Variants in DYRK4 observed in about 807,000 individuals in gnomAD.
DYRK4 encodes the protein dual specificity tyrosine-phosphorylation-regulated kinase 4.
A neutral mutation model predicts 68.3 loss-of-function variants in DYRK4; 64 were observed. The ratio of observed to expected loss-of-function variants is 0.94; its 90% CI spans 0.77 to 1.15. The LOEUF (loss-of-function observed/expected upper bound fraction) is 1.15, where lower values mean the gene tolerates loss of function less well. Ranked by LOEUF, DYRK4 falls within the 50% of genes most tolerant of loss-of-function variation. DYRK4 has a pLI of 0.00. For missense variants in DYRK4, 740 were observed against 764.7 expected, an observed-to-expected ratio of 0.97 and a Z score of 0.38; for synonymous variants, 274 against 289.9, an observed-to-expected ratio of 0.95 and a Z score of 0.56.
intron 2 of DYRK4, among the ~76,000 whole-genome samples, chr12:4,579,826 C>T (rs1167991371): frequency 3.3e-5 from 5 of 152,174 alleles, no homozygotes; most frequent in East Asian, 1.9e-4. Context: ...TTTTAATTAG[C>T]GACCTTTGGA....
At chr12:4,576,036 T>C (rs61326176) in intron 2 of DYRK4, among the ~76,000 whole-genome samples, 12,706 of 152,238 alleles carry the variant, frequency 0.083, 972 homozygotes, top group African/African-American at 0.2. Flanking sequence ...TATTAGCTGA[T>C]GTTCATAGTT....
rs1555122024 is a variant in DYRK4, at chr12:4,586,729, C to CAG, written c.133-2207_133-2206insGA. The stretch of plus-strand genomic sequence containing the variant: ...GTACACACACACACACACACACACA[C>CAG]ACAGACACACACACACACCCCTTTG... On this transcript the variant is annotated intron_variant, in intron 2 of 14. Coordinates refer to ENST00000543431, the MANE Select transcript of DYRK4 (RefSeq NM_001394779.1). Among the ~76,000 whole-genome samples the CAG allele has an allele frequency of 1.2e-3, 129 of 112,072 alleles. 3 individuals carry two copies. Among genetic ancestry groups the CAG allele is most frequent in the Admixed American group, 1.4e-3 (15 of 10,518 alleles). 73.5% of individuals were successfully genotyped at this position (112,072 alleles called of 152,430 possible).
At chr12:4,605,537 G>A (rs1409074544) in intron 11 of DYRK4, among the ~76,000 whole-genome samples, 1 of 151,442 alleles carries the variant, frequency 6.6e-6, no homozygotes, top group Non-Finnish European at 1.5e-5. Context: ...TTTAATATAC[G>A]TTTATGTTTA....
At chr12:4,586,462 G>T (rs1944897474) in intron 2 of DYRK4, among the ~76,000 whole-genome samples, 1 of 152,178 alleles carries the variant, frequency 6.6e-6, no homozygotes, top group South Asian at 2.1e-4. Flanking sequence ...TTGCAGCTGT[G>T]AATACGGGAG....
intron 3 of DYRK4, among the ~76,000 whole-genome samples, chr12:4,589,493 C>T (rs1308801451): frequency 6.6e-6 from 1 of 152,184 alleles, no homozygotes; most frequent in African/African-American, 2.4e-5. Context: ...CCTTCCCAGC[C>T]TCTGATAACC....
chr12:4,599,777 A>G lies in DYRK4; in HGVS notation c.1115A>G (p.Glu372Gly). 1 of 1,613,994 alleles carries G rather than the reference A, an allele frequency of 6.2e-7. No homozygotes were observed. The highest frequency in any genetic ancestry group is 8.5e-7 in the Non-Finnish European group (1 of 1,179,914). ...KVIDFGSSCYEHQKVYTYIQS... is the reference protein window; with the variant it reads ...KVIDFGSSCYGHQKVYTYIQS... ...ATTGACTTTGGATCAAGCTGTTATG[A>G]ACACCAGAAAGGTGAGCCCCATGTC... Residue 372 changes from glutamate (E) to glycine (G), a missense_variant, in exon 10 of 15, where the codon GAA becomes GGA. Transcript: ENST00000543431.
intron 13 of DYRK4, among the ~76,000 whole-genome samples, chr12:4,610,731 C>A (rs904036130): frequency 1.3e-5 from 2 of 152,184 alleles, no homozygotes; most frequent in African/African-American, 2.4e-5. Context: ...TCCCCCTCCC[C>A]CTAGGATTTA....
At chr12:4,581,794 G>A (rs887009613) in intron 2 of DYRK4, among the ~76,000 whole-genome samples, 4 of 152,044 alleles carry the variant, frequency 2.6e-5, no homozygotes, top group Non-Finnish European at 5.9e-5. Flanking sequence ...TCCTCCTTTA[G>A]CAAATATTTA....
At chr12:4,590,127 C>A in intron 3 of DYRK4, 1 of 1,325,162 alleles carries the variant, frequency 7.5e-7, no homozygotes, top group Non-Finnish European at 9.6e-7. Context: ...AGCAGGGACT[C>A]AAACCCAGAG....
chr12:4,602,291 C>T, intron 10 of DYRK4: 1 of 991,356 alleles, frequency 1.0e-6, no homozygotes, highest in East Asian at 2.5e-5. Flanking sequence ...AATACTATGC[C>T]ATTCTCCCTC....
chr12:4,590,058 T>C (rs951520956), intron 3 of DYRK4: 4 of 1,003,674 alleles, frequency 4.0e-6, no homozygotes, highest in Admixed American at 4.8e-5. Flanking sequence ...ATGAAATAAT[T>C]GAGGTTTCGA....
rs1278763737 is a variant in DYRK4, at chr12:4,607,308, T to C, written c.1300-19T>C. Reference sequence around the variant, plus strand: ...TGTGCTCCCACAAAGAATGAACCAATTGAATTATCCTTATTAAGGTGCTGG... The same window carrying C: ...TGTGCTCCCACAAAGAATGAACCAACTGAATTATCCTTATTAAGGTGCTGG... On this transcript the variant is annotated intron_variant, in intron 11 of 14. Transcript: ENST00000543431. The C allele has an allele frequency of 6.2e-7, 1 of 1,614,172 alleles. No homozygotes were observed. Among genetic ancestry groups the C allele is most frequent in the South Asian group, 1.1e-5 (1 of 91,076 alleles).
chr12:4,590,784 G>T, intron 4 of DYRK4: 1 of 388,518 alleles, frequency 2.6e-6, no homozygotes, highest in South Asian at 9.0e-5. Context: ...AGGTGCGAAG[G>T]TGCCAACTGA....
chr12:4,573,171 C>A, intron 2 of DYRK4: 1 of 498,048 alleles, frequency 2.0e-6, no homozygotes. Flanking sequence ...ATGATCATTG[C>A]AAGTTAACAT....
At chr12:4,565,770 C>T (rs767005814) in intron 1 of DYRK4, among the ~76,000 whole-genome samples, 7 of 152,002 alleles carry the variant, frequency 4.6e-5, no homozygotes, top group Admixed American at 6.6e-5. Flanking sequence ...GGATTACAGG[C>T]GTGAGGCACC....
chr12:4,605,692 T>C (rs1179776007), intron 11 of DYRK4, among the ~76,000 whole-genome samples: 2 of 150,192 alleles, frequency 1.3e-5, no homozygotes, highest in Non-Finnish European at 3.0e-5. Flanking sequence ...TGAAATCTTA[T>C]TGGGCATACA....
intron 12 of DYRK4, 169 bp from the exon 13 acceptor site, chr12:4,609,986 A>G: frequency 2.2e-6 from 1 of 447,406 alleles, no homozygotes; most frequent in Non-Finnish European, 3.8e-6. Context: ...TAATCTACAC[A>G]TGGTTATTTC....
At chr12:4,583,019 T>C (rs138879534) in intron 2 of DYRK4, among the ~76,000 whole-genome samples, 1 of 152,310 alleles carries the variant, frequency 6.6e-6, no homozygotes, top group East Asian at 1.9e-4. Context: ...AGGAGACCAT[T>C]GCAATAGGTG....
At chr12:4,610,738 T>A (rs1186036126) in intron 13 of DYRK4, among the ~76,000 whole-genome samples, 1 of 152,134 alleles carries the variant, frequency 6.6e-6, no homozygotes, top group Admixed American at 6.5e-5. Context: ...CCCCCTAGGA[T>A]TTAGTACCCA....
Sources: allele counts gnomAD v4.1 joint callset (sites outside exome capture counted in the v4.1 genomes callset), GRCh38; gene constraint gnomAD v4.1.1; transcripts MANE v1.5; gene names NCBI Gene and HGNC (gene_info 2026-07-23, HGNC 2026-07-21).